Variants in MCTP2 observed in about 807,000 individuals in gnomAD.
The protein encoded by MCTP2 is multiple C2 and transmembrane domain-containing protein 2.
In MCTP2, 132 loss-of-function variants were observed where a neutral mutation model predicts 111.6. The ratio of observed to expected loss-of-function variants is 1.18; its 90% CI spans 1.03 to 1.37. MCTP2 has a LOEUF of 1.37. Among genes scored for constraint, MCTP2 ranks in the 40% most tolerant of loss-of-function variants. The pLI is 0.00. For synonymous variants in MCTP2, 395 were observed against 387.7 expected (o/e 1.02, Z -0.22); for missense variants, 1,183 against 1,067.9 (o/e 1.11, Z -1.50).
intron 21 of MCTP2, among the ~76,000 whole-genome samples, chr15:94,472,085 A>C (rs1027689638): frequency 9.2e-5 from 14 of 152,196 alleles, no homozygotes; most frequent in African/African-American, 2.9e-4. Flanking sequence ...TCCACAAAGA[A>C]GACTAATACT....
At position 94,245,234 on chromosome 15, in the gene MCTP2, A is replaced by T. The variant is rs571794234; in HGVS notation, c.-66+13570A>T. ...TACATATGTGTATATATACATATGT[A>T]TGTATATATACACATATGTATATAT... is the stretch of plus-strand genomic sequence containing the variant. On this transcript the variant is annotated intron_variant, in intron 1 of 22. Coordinates refer to ENST00000357742, the MANE Select transcript of MCTP2 (RefSeq NM_001385001.1). 2.7e-4 allele frequency among the ~76,000 whole-genome samples: 38 copies of T among 140,188 alleles called. No homozygotes were observed. The South Asian group carries it at 7.4e-3, about 27-fold the overall frequency. The allele number at this position is 140,188 out of a possible 152,430, so 92.0% of individuals were successfully genotyped here.
chr15:94,287,979 G>T (rs766610120), intron 1 of MCTP2, among the ~76,000 whole-genome samples: 2 of 152,166 alleles, frequency 1.3e-5, no homozygotes, highest in African/African-American at 4.8e-5. Flanking sequence ...TCTCACTTTT[G>T]TCATGCCCCG....
At chr15:94,425,731 A>G (rs1240951831) in intron 17 of MCTP2, among the ~76,000 whole-genome samples, 3 of 152,184 alleles carry the variant, frequency 2.0e-5, no homozygotes, top group South Asian at 2.1e-4. Flanking sequence ...GAGATTAAAC[A>G]TAACAGGGTA....
chr15:94,311,029 T>TA (rs1405520214), intron 2 of MCTP2, among the ~76,000 whole-genome samples: 2 of 149,610 alleles, frequency 1.3e-5, no homozygotes, highest in African/African-American at 4.9e-5. Context: ...TTTTTTTTTT[T>TA]TTTTTTTATT....
chr15:94,360,479 T>G (rs1190820318), intron 10 of MCTP2, among the ~76,000 whole-genome samples: 1 of 152,228 alleles, frequency 6.6e-6, no homozygotes, highest in East Asian at 1.9e-4. Context: ...TGAAATTTTG[T>G]GCTAGCCGAA....
At chr15:94,396,897 C>G (rs2081309460) in intron 14 of MCTP2, among the ~76,000 whole-genome samples, 1 of 152,018 alleles carries the variant, frequency 6.6e-6, no homozygotes, top group Non-Finnish European at 1.5e-5. Flanking sequence ...TTGATAGATA[C>G]AAAACAAAAT....
chr15:94,440,106 G>C lies in MCTP2; in HGVS notation c.2086-70G>C. The C allele has an allele frequency of 1.9e-6, 3 of 1,550,992 alleles. No individual in the cohort carries two copies. The South Asian group carries it at 3.5e-5, about 18-fold the overall frequency. On this transcript the variant is annotated intron_variant, in intron 17 of 22. Coordinates refer to ENST00000357742, the MANE Select transcript of MCTP2 (RefSeq NM_001385001.1). ...TCCAATTGAATCTCCTTACATCAAT[G>C]AGTAGGAATTTGATTGCTCCCCTAG...
chr15:94,245,403 T>C (rs111208070), intron 1 of MCTP2, among the ~76,000 whole-genome samples: 3,399 of 55,412 alleles, frequency 0.061, 124 homozygotes, highest in African/African-American at 0.18. Context: ...TACATGTGTG[T>C]ATATATTTAT....
At chr15:94,457,134 A>G (rs907347912) in intron 19 of MCTP2, among the ~76,000 whole-genome samples, 43 of 152,240 alleles carry the variant, frequency 2.8e-4, no homozygotes, top group Non-Finnish European at 5.9e-5. Flanking sequence ...AAGTTCTGTA[A>G]GAACTATTTG....
chr15:94,479,386 T>A lies in MCTP2; in HGVS notation c.*352T>A, dbSNP rs756561298. 3.4e-6 allele frequency: 1 copy of A among 295,628 alleles called. No homozygotes were observed. The highest frequency in any genetic ancestry group is 2.1e-5 in the African/African-American group (1 of 48,244). 18.3% of individuals were successfully genotyped at this position (295,628 alleles called of 1,614,324 possible). A position where few individuals can be genotyped will look rare whatever the true frequency, so the allele number is the denominator to read the frequency against. ...CTTGGATTCAAGAGTGACTTTGAAC[T>A]TGTTTTCACACCTCCAACAGACTCT... On this transcript the variant is annotated 3_prime_UTR_variant, in exon 23 of 23. Coordinates refer to ENST00000357742, the MANE Select transcript of MCTP2 (RefSeq NM_001385001.1).
chr15:94,336,503 G>A (rs536977264), intron 4 of MCTP2, among the ~76,000 whole-genome samples: 3 of 152,150 alleles, frequency 2.0e-5, no homozygotes, highest in East Asian at 1.9e-4. Context: ...GGAAATGGCC[G>A]GAAGCTGTTT....
chr15:94,243,226 T>C (rs2071201689), intron 1 of MCTP2, among the ~76,000 whole-genome samples: 1 of 149,118 alleles, frequency 6.7e-6, no homozygotes, highest in African/African-American at 2.5e-5. Flanking sequence ...TACATACGTA[T>C]GCGTACATAC....
Position 94,384,141 on chromosome 15 carries a change from C to T in MCTP2, c.1685+17C>T. On this transcript the variant is annotated intron_variant, in intron 13 of 22. Transcript: ENST00000357742. ...TTTTACATTGTAAGTGCTTTAGCCT[C>T]TGGAATTATTTCTGCTGTGCTTGGA... is the stretch of plus-strand genomic sequence containing the variant. The T allele has an allele frequency of 6.4e-7, 1 of 1,569,502 alleles. No individual in the cohort carries two copies. The highest frequency in any genetic ancestry group is 8.8e-7 in the Non-Finnish European group (1 of 1,141,206).
Position 94,479,148 on chromosome 15 carries a change from C to A in MCTP2, c.*114C>A. 1.0e-6 allele frequency: 1 copy of A among 981,658 alleles called. No homozygotes were observed. Among genetic ancestry groups the A allele is most frequent in the Non-Finnish European group, 1.6e-6 (1 of 615,634 alleles). The allele number at this position is 981,658 out of a possible 1,614,324, so 60.8% of individuals were successfully genotyped here. On this transcript the variant is annotated 3_prime_UTR_variant, in exon 23 of 23. Transcript: ENST00000357742. ...TCCTTCTGAAATGCATGCCCTGTGG[C>A]ACCCTCTGTATACTTCCTCCTCCTT... is the stretch of plus-strand genomic sequence containing the variant.
chr15:94,465,280 A>T (rs2073171640), intron 20 of MCTP2, among the ~76,000 whole-genome samples: 2 of 152,048 alleles, frequency 1.3e-5, no homozygotes, highest in East Asian at 3.8e-4. Context: ...TCCATGGGGG[A>T]TATGTTCTCA....
At chr15:94,349,578 C>A (rs1235528132) in intron 8 of MCTP2, among the ~76,000 whole-genome samples, 9 of 152,040 alleles carry the variant, frequency 5.9e-5, no homozygotes, top group Admixed American at 5.9e-4. Context: ...TAAAAAAAGA[C>A]TGGAGGCTGA....
intron 10 of MCTP2, among the ~76,000 whole-genome samples, chr15:94,362,982 C>G (rs572960567): frequency 6.6e-6 from 1 of 152,300 alleles, no homozygotes. Flanking sequence ...AGTCTGTTTT[C>G]TTCAGGTGAG....
intron 1 of MCTP2, among the ~76,000 whole-genome samples, chr15:94,268,544 TG>T (rs1208383485): frequency 6.6e-6 from 1 of 152,156 alleles, no homozygotes; most frequent in Non-Finnish European, 1.5e-5. Flanking sequence ...CTCGTTTTCT[TG>T]GGAAAGTGTC....
chr15:94,440,071 C>A, intron 17 of MCTP2, 105 bp from the exon 18 acceptor site: 1 of 1,299,798 alleles, frequency 7.7e-7, no homozygotes, highest in Non-Finnish European at 1.1e-6. Context: ...CTGAATGTGA[C>A]TAGAAAGAGT....
Sources: gnomAD v4.1 joint callset for allele counts (sites outside exome capture counted in the v4.1 genomes callset) on GRCh38, gnomAD v4.1.1 for gene constraint, MANE v1.5 for transcripts, NCBI Gene and HGNC (gene_info 2026-07-23, HGNC 2026-07-21) for gene names.